The following RRM2 variants were observed in gnomAD, a reference collection of about 807,000 sequenced individuals.
The protein encoded by RRM2 is ribonucleoside-diphosphate reductase subunit M2.
In RRM2, 6 loss-of-function variants were observed where a neutral mutation model predicts 45.9. That is an observed-to-expected ratio of 0.13 (90% CI 0.07 to 0.26). RRM2 has a LOEUF of 0.26. Among genes scored for constraint, RRM2 ranks in the 10% least tolerant of loss-of-function variants. The pLI is 1.00. For synonymous variants in RRM2, 177 were observed against 173.0 expected (o/e 1.02, Z -0.18); for missense variants, 343 against 489.5 (o/e 0.70, Z 2.82).
intron 3 of RRM2, among the ~76,000 whole-genome samples, chr2:10,174,698 C>G (rs961456512): frequency 3.9e-5 from 6 of 151,908 alleles, no homozygotes; most frequent in African/African-American, 1.2e-4. Context: ...AAGACCCCAT[C>G]TCTACAAAAA....
chr2:10,126,611 T>C, intron 5 of RRM2: 8 of 458,736 alleles, frequency 1.7e-5, no homozygotes. Flanking sequence ...TATGTTTTAC[T>C]GTCTGTAGAC....
chr2:10,184,091 T>TAAAAAAAAAAAAAAAAA lies in RRM2; in HGVS notation n.483-26207_483-26191dup, dbSNP rs60421650. Among the ~76,000 whole-genome samples the TAAAAAAAAAAAAAAAAA allele has an allele frequency of 3.6e-4, 11 of 30,686 alleles. 1 individual carries two copies. Among genetic ancestry groups the TAAAAAAAAAAAAAAAAA allele is most frequent in the Non-Finnish European group, 5.4e-4 (10 of 18,400 alleles). The allele number at this position is 30,686 out of a possible 152,430, so 20.1% of individuals were successfully genotyped here. A position where few individuals can be genotyped will look rare whatever the true frequency, so the allele number is the denominator to read the frequency against. ...CTGGGTGACAGAGCGAGACTCCATC[T>TAAAAAAAAAAAAAAAAA]AAAAAAAAAAAAAAAAAAAAAAAAA... is the stretch of plus-strand genomic sequence containing the variant. On this transcript the variant is annotated intron_variant and non_coding_transcript_variant, in intron 3 of 3. Transcript: ENST00000381786.
chr2:10,162,679 C>A (rs980679344), intron 3 of RRM2, among the ~76,000 whole-genome samples: 2 of 150,258 alleles, frequency 1.3e-5, no homozygotes, highest in African/African-American at 4.9e-5. Flanking sequence ...TGCACCCCCC[C>A]GCCGCCCCCC....
At chr2:10,147,039 G>C (rs1273679865) in intron 3 of RRM2, among the ~76,000 whole-genome samples, 1 of 151,762 alleles carries the variant, frequency 6.6e-6, no homozygotes, top group Admixed American at 6.6e-5. Context: ...TGCAACCTCT[G>C]CCTCCCGGGT....
At chr2:10,156,834 T>G (rs1663436355) in intron 3 of RRM2, among the ~76,000 whole-genome samples, 1 of 151,946 alleles carries the variant, frequency 6.6e-6, no homozygotes, top group African/African-American at 2.4e-5. Context: ...GAGACAGGGT[T>G]TCGCTATGCT....
intron 3 of RRM2, among the ~76,000 whole-genome samples, chr2:10,157,030 T>TTTG: frequency 7.1e-6 from 1 of 141,624 alleles, no homozygotes; most frequent in Non-Finnish European, 1.5e-5. Context: ...TTTTTTTTTT[T>TTTG]TTTTTTTTTG....
rs61754475 is a variant in RRM2 at position 10,128,872 on chromosome 2, C to T, written c.823C>T (p.Leu275=). 6.6e-3 allele frequency: 10,647 copies of T among 1,613,970 alleles called. 44 individuals carry two copies. The highest frequency in any genetic ancestry group is 8.1e-3 in the Non-Finnish European group (9,514 of 1,179,882). Reference sequence around the variant, plus strand: ...GGGTTTACACTGTGATTTTGCTTGCCTGATGTTCAAACACCTGGTACACAA... The same window carrying T: ...GGGTTTACACTGTGATTTTGCTTGCTTGATGTTCAAACACCTGGTACACAA... ...DEGLHCDFAC[L]MFKHLVHKPS... The change falls in exon 8 of 10, where the codon CTG becomes TTG. Residue 275 remains leucine, a synonymous_variant. Coordinates refer to ENST00000304567, the MANE Select transcript of RRM2 (RefSeq NM_001034.4).
At chr2:10,192,044 C>CCTGG (rs1157971736) in intron 3 of RRM2, among the ~76,000 whole-genome samples, 2 of 152,108 alleles carry the variant, frequency 1.3e-5, no homozygotes, top group Non-Finnish European at 2.9e-5. Flanking sequence ...AGGGGACTCA[C>CCTGG]CCAGAGGTGG....
rs1408279612 is a variant in RRM2 at position 10,158,506 on chromosome 2, G to A, written n.482+16131G>A. The stretch of plus-strand genomic sequence containing the variant: ...GAGGCACTCAGTACAGAGGGTGAGG[G>A]GTCCCTGAGCCACCTCTGCTGCCTG... On this transcript the variant is annotated intron_variant and non_coding_transcript_variant, in intron 3 of 3. Coordinates refer to the RRM2 transcript ENST00000381786. 5.9e-5 allele frequency among the ~76,000 whole-genome samples: 9 copies of A among 152,028 alleles called. No individual in the cohort carries two copies. The East Asian group carries it at 1.2e-3, about 20-fold the overall frequency.
chr2:10,210,342 CAG>C (rs1664735992), exon 4 of RRM2: 1 of 1,367,686 alleles, frequency 7.3e-7, no homozygotes. Flanking sequence ...TCTCTCACTG[CAG>C]AGTCTGGAGA....
At chr2:10,148,143 C>CAAA (rs374826185) in intron 3 of RRM2, among the ~76,000 whole-genome samples, 12 of 119,598 alleles carry the variant, frequency 1.0e-4, no homozygotes, top group South Asian at 5.8e-4. Context: ...GACCCTGACT[C>CAAA]AAAAAAAAAA....
chr2:10,184,507 G>A (rs1664123936), intron 3 of RRM2, among the ~76,000 whole-genome samples: 1 of 152,234 alleles, frequency 6.6e-6, no homozygotes, highest in Admixed American at 6.5e-5. Context: ...GGGCAAACTG[G>A]GACTGTTGGT....
chr2:10,148,288 T>TA (rs1558388196), intron 3 of RRM2, among the ~76,000 whole-genome samples: 1 of 151,828 alleles, frequency 6.6e-6, no homozygotes, highest in African/African-American at 2.4e-5. Flanking sequence ...TCACTCACAT[T>TA]GCCCTACAGG....
chr2:10,142,424 G>A (rs766777278), intron 3 of RRM2: 9 of 1,365,964 alleles, frequency 6.6e-6, no homozygotes, highest in Admixed American at 5.7e-5. Context: ...GGCCACTGTG[G>A]AGGTGGCTTG....
At chr2:10,128,165 T>C (rs974222858) in intron 7 of RRM2, among the ~76,000 whole-genome samples, 6 of 152,130 alleles carry the variant, frequency 3.9e-5, no homozygotes, top group Non-Finnish European at 5.9e-5. Flanking sequence ...CGAAAAAGAA[T>C]GTTCATAGTA....
At chr2:10,142,628 G>T (rs1192236046) in intron 3 of RRM2, among the ~76,000 whole-genome samples, 2 of 99,222 alleles carry the variant, frequency 2.0e-5, no homozygotes, top group African/African-American at 8.2e-5. Context: ...CCAGTGCTCA[G>T]TATAGCCGTA....
intron 3 of RRM2, among the ~76,000 whole-genome samples, chr2:10,159,716 C>T (rs897077762): frequency 3.3e-5 from 5 of 152,216 alleles, no homozygotes; most frequent in African/African-American, 1.2e-4. Flanking sequence ...TGTGTTCACA[C>T]ACACAGAGAT....
intron 3 of RRM2, among the ~76,000 whole-genome samples, chr2:10,189,934 T>C (rs2125328404): frequency 6.6e-6 from 1 of 152,318 alleles, no homozygotes; most frequent in South Asian, 2.1e-4. Context: ...ATGGAGATGA[T>C]GGTGATAGTG....
intron 3 of RRM2, among the ~76,000 whole-genome samples, chr2:10,173,491 T>A (rs966539614): frequency 6.6e-6 from 1 of 152,118 alleles, no homozygotes; most frequent in Non-Finnish European, 1.5e-5. Context: ...CAAACCTCCG[T>A]CTGTCCCCCT....
Sources: gnomAD v4.1 joint callset for allele counts (sites outside exome capture counted in the v4.1 genomes callset) on GRCh38, gnomAD v4.1.1 for gene constraint, MANE v1.5 for transcripts, NCBI Gene and HGNC (gene_info 2026-07-23, HGNC 2026-07-21) for gene names.